The following GAS7 variants were observed in gnomAD, a reference collection of about 807,000 sequenced individuals.
GAS7 encodes the protein growth arrest specific 7.
In GAS7, 28 loss-of-function variants were observed where a neutral mutation model predicts 71.1. That is an observed-to-expected ratio of 0.39 (90% CI 0.29 to 0.54). The LOEUF (loss-of-function observed/expected upper bound fraction) is 0.54. GAS7 is among the 20% of genes least tolerant of loss of function. The pLI, the probability that GAS7 is intolerant of heterozygous loss-of-function variation, is 0.62. For synonymous variants in GAS7, 258 were observed against 245.8 expected (o/e 1.05, Z -0.46); for missense variants, 436 against 627.8 (o/e 0.69, Z 3.27).
At chr17:10,159,172 T>C (rs1451014485) in intron 1 of GAS7, among the ~76,000 whole-genome samples, 3 of 148,266 alleles carry the variant, frequency 2.0e-5, no homozygotes, top group Admixed American at 6.8e-5. Context: ...AAACCAGCAA[T>C]GGCACACACA....
At chr17:10,105,310 G>T (rs954113583) in intron 1 of GAS7, among the ~76,000 whole-genome samples, 1 of 151,816 alleles carries the variant, frequency 6.6e-6, no homozygotes, top group Admixed American at 6.6e-5. Context: ...CACAAACACC[G>T]GCCCCTCCTC....
intron 1 of GAS7, among the ~76,000 whole-genome samples, chr17:10,161,696 G>A (rs958898313): frequency 6.6e-6 from 1 of 152,096 alleles, no homozygotes; most frequent in Admixed American, 6.6e-5. Context: ...ATGCCCTCCA[G>A]CCCAAGCCAA....
At chr17:9,950,888 C>CT (rs965854959) in intron 5 of GAS7, among the ~76,000 whole-genome samples, 1 of 150,536 alleles carries the variant, frequency 6.6e-6, no homozygotes, top group South Asian at 2.1e-4. Context: ...TTCCTGAACT[C>CT]TAAAAAATTA....
chr17:10,065,025 T>C (rs2073266675), intron 1 of GAS7, among the ~76,000 whole-genome samples: 1 of 152,190 alleles, frequency 6.6e-6, no homozygotes, highest in African/African-American at 2.4e-5. Context: ...TCTCACTACG[T>C]TGCTGAGGCT....
At chr17:10,024,499 G>T (rs1281330537) in intron 1 of GAS7, among the ~76,000 whole-genome samples, 3 of 152,200 alleles carry the variant, frequency 2.0e-5, no homozygotes, top group Non-Finnish European at 4.4e-5. Context: ...CACCTGGAAG[G>T]AACAAGATCA....
chr17:9,923,844 C>T (rs1218826017), intron 11 of GAS7, among the ~76,000 whole-genome samples: 5 of 152,174 alleles, frequency 3.3e-5, no homozygotes, highest in Admixed American at 3.3e-4. Context: ...CACTGGCTGG[C>T]AAGCACTCTG....
chr17:10,036,400 C>A, intron 1 of GAS7: 1 of 1,508,920 alleles, frequency 6.6e-7, no homozygotes, highest in Non-Finnish European at 9.2e-7. Context: ...CAAACTGGAG[C>A]ATACATCTGC....
At position 9,990,254 on chromosome 17, in the gene GAS7, G is replaced by A. The variant is rs999740177; in HGVS notation, c.305-8370C>T. Among the ~76,000 whole-genome samples, 3 of 152,212 alleles carry A rather than the reference G, an allele frequency of 2.0e-5. No individual in the cohort carries two copies. The South Asian group carries it at 6.2e-4, about 32-fold the overall frequency. ...GCTGCACTTCAGCCTGGGCGACAGA[G>A]CGAGACTCCATCTCAAAAAAAAAAG... On this transcript the variant is annotated intron_variant, in intron 2 of 13. Coordinates refer to ENST00000432992, the MANE Select transcript of GAS7 (RefSeq NM_201433.2).
intron 2 of GAS7, among the ~76,000 whole-genome samples, chr17:10,014,489 A>G (rs189193817): frequency 2.5e-3 from 373 of 152,172 alleles, no homozygotes; most frequent in Non-Finnish European, 4.6e-3. Context: ...AAAATGCCCC[A>G]AGGCCCCTGA....
chr17:10,040,852 G>T (rs1337237298), intron 1 of GAS7, among the ~76,000 whole-genome samples: 3 of 152,010 alleles, frequency 2.0e-5, no homozygotes, highest in African/African-American at 7.2e-5. Context: ...CTTGGAGATG[G>T]GCTCTCACCC....
chr17:10,008,486 G>A (rs1347252584), intron 2 of GAS7, among the ~76,000 whole-genome samples: 1 of 152,144 alleles, frequency 6.6e-6, no homozygotes, highest in Non-Finnish European at 1.5e-5. Context: ...ACTTGTGTGG[G>A]TCTTCAACTT....
At chr17:10,151,366 G>A (rs1268512525) in intron 1 of GAS7, among the ~76,000 whole-genome samples, 2 of 151,738 alleles carry the variant, frequency 1.3e-5, no homozygotes, top group Non-Finnish European at 2.9e-5. Flanking sequence ...CACTGATGAA[G>A]CTCAGATGAA....
chr17:10,145,254 G>A (rs76542775), intron 1 of GAS7, among the ~76,000 whole-genome samples: 7,593 of 152,286 alleles, frequency 0.05, 421 homozygotes, highest in East Asian at 0.3. Context: ...ATGCTCAAGT[G>A]CACATCAAAA....
At chr17:10,152,001 G>A (rs1224435292) in intron 1 of GAS7, among the ~76,000 whole-genome samples, 1 of 152,188 alleles carries the variant, frequency 6.6e-6, no homozygotes, top group East Asian at 1.9e-4. Flanking sequence ...CAATCCACAA[G>A]TTTAAGCCAA....
intron 3 of GAS7, among the ~76,000 whole-genome samples, chr17:9,979,092 G>C (rs897034353): frequency 1.3e-5 from 2 of 152,196 alleles, no homozygotes; most frequent in Non-Finnish European, 2.9e-5. Context: ...AGGGAGGAAA[G>C]CTTAACACAT....
chr17:10,184,684 C>G (rs8072019), intron 1 of GAS7, among the ~76,000 whole-genome samples: 8,765 of 152,202 alleles, frequency 0.058, 428 homozygotes, highest in East Asian at 0.17. Flanking sequence ...CATAGCTCCT[C>G]AAACCCTTGG....
At chr17:9,970,652 CA>C (rs147400385) in intron 3 of GAS7, among the ~76,000 whole-genome samples, 5 of 151,544 alleles carry the variant, frequency 3.3e-5, no homozygotes, top group Admixed American at 2.0e-4. Context: ...CAAAACAAAA[CA>C]AAAAAAACAC....
intron 1 of GAS7, among the ~76,000 whole-genome samples, chr17:10,144,816 G>A (rs191697429): frequency 6.6e-5 from 10 of 152,324 alleles, no homozygotes; most frequent in African/African-American, 2.2e-4. Flanking sequence ...CCAAAGCACT[G>A]GGATTACAGG....
At chr17:10,078,089 G>C (rs1415576344) in intron 1 of GAS7, among the ~76,000 whole-genome samples, 1 of 149,336 alleles carries the variant, frequency 6.7e-6, no homozygotes, top group Non-Finnish European at 1.5e-5. Flanking sequence ...GTTTTGTTTT[G>C]TTTTGTTTTG....
Sources: allele counts gnomAD v4.1 joint callset (sites outside exome capture counted in the v4.1 genomes callset), GRCh38; gene constraint gnomAD v4.1.1; transcripts MANE v1.5; gene names NCBI Gene and HGNC (gene_info 2026-07-23, HGNC 2026-07-21).